Variants in ZC3H12B observed in about 807,000 individuals in gnomAD.
ZC3H12B encodes zinc finger CCCH-type containing 12B.
A neutral mutation model predicts 43.9 loss-of-function variants in ZC3H12B; 7 were observed. The ratio of observed to expected loss-of-function variants is 0.16; its 90% confidence interval spans 0.09 to 0.30. ZC3H12B has a LOEUF of 0.30. ZC3H12B is among the 10% of genes least tolerant of loss of function. The pLI is 1.00. For missense variants in ZC3H12B, 475 were observed against 670.2 expected (o/e 0.71, Z 3.22); for synonymous variants, 222 against 241.7 (o/e 0.92, Z 0.76).
At chrX:65,354,720 G>T in the ZC3H12B span, among the ~76,000 whole-genome samples, 1 of 111,590 alleles carries the variant, frequency 9.0e-6, no homozygotes, top group African/African-American at 3.3e-5. Context: ...CTTGAAAAAA[G>T]GTTAGAGGTA....
At chrX:65,247,131 G>A in the ZC3H12B span, among the ~76,000 whole-genome samples, 1 of 112,170 alleles carries the variant, frequency 8.9e-6, no homozygotes, top group Non-Finnish European at 1.9e-5. Context: ...TCAATCATAT[G>A]AGAAAAAGCT....
At chrX:65,133,373 C>T in the ZC3H12B span, among the ~76,000 whole-genome samples, 12 of 109,566 alleles carry the variant, frequency 1.1e-4, no homozygotes, top group African/African-American at 1.7e-4. Context: ...AAATGCACAC[C>T]GAGAATAAGA....
At chrX:65,123,585 A>C in the ZC3H12B span, among the ~76,000 whole-genome samples, 3 of 110,208 alleles carry the variant, frequency 2.7e-5, no homozygotes, top group South Asian at 3.8e-4. Context: ...GGTCATTTTC[A>C]CAATATTGAT....
intron 3 of ZC3H12B, among the ~76,000 whole-genome samples, chrX:65,477,503 C>G (rs2068009493): frequency 9.0e-6 from 1 of 111,637 alleles, no homozygotes; most frequent in South Asian, 3.7e-4. Flanking sequence ...TCTGCACATT[C>G]AAGAAGATCA....
chrX:65,381,098 C>T (rs77602017), intron 2 of ZC3H12B, among the ~76,000 whole-genome samples: 2 of 111,222 alleles, frequency 1.8e-5, no homozygotes, highest in African/African-American at 6.6e-5. Context: ...CTGCACCAAG[C>T]GGACCTAATA....
chrX:65,230,414 T>A, the ZC3H12B span, among the ~76,000 whole-genome samples: 1 of 109,019 alleles, frequency 9.2e-6, no homozygotes. Flanking sequence ...GGGATAGCAT[T>A]AGGAGATATA....
At chrX:65,331,154 TCATAAAAAAGGGGTCCAAGAGAGCGCAG>T in the ZC3H12B span, 3 of 253,429 alleles carry the variant, frequency 1.2e-5, no homozygotes, top group Non-Finnish European at 2.3e-5. Context: ...ACACTTTTCT[TCATAAAAAAGGGGTCCAAGAGAGCGCAG>T]CACTCACCCA....
chrX:65,151,939 A>G, the ZC3H12B span, among the ~76,000 whole-genome samples: 2 of 112,153 alleles, frequency 1.8e-5, no homozygotes, highest in South Asian at 3.7e-4. Flanking sequence ...ACGCAAATCA[A>G]TAACTGTAAT....
the ZC3H12B span, among the ~76,000 whole-genome samples, chrX:65,120,838 A>T: frequency 9.0e-6 from 1 of 111,593 alleles, no homozygotes; most frequent in African/African-American, 3.3e-5. Context: ...TACCAAATTT[A>T]TCGAGAGTTT....
exon 5 of ZC3H12B, chrX:65,505,615 G>A (rs1387632514): frequency 4.5e-5 from 5 of 112,333 alleles, no homozygotes; most frequent in African/African-American, 9.7e-5. Flanking sequence ...AATCGGACTC[G>A]TGTCTAAATC....
At chrX:65,238,333 T>C in the ZC3H12B span, among the ~76,000 whole-genome samples, 1 of 111,767 alleles carries the variant, frequency 8.9e-6, no homozygotes, top group Non-Finnish European at 1.9e-5. Context: ...GGGAGGTGTA[T>C]GTGTCCAGAA....
the ZC3H12B span, among the ~76,000 whole-genome samples, chrX:65,347,886 C>A: frequency 1.8e-5 from 2 of 112,266 alleles, no homozygotes; most frequent in African/African-American, 6.5e-5. Flanking sequence ...CACATGTACA[C>A]CATGGAATAC....
At chrX:65,413,416 G>A (rs886443506) in intron 3 of ZC3H12B, among the ~76,000 whole-genome samples, 2 of 111,324 alleles carry the variant, frequency 1.8e-5, no homozygotes, top group East Asian at 2.8e-4. Flanking sequence ...AGAGTTTTAT[G>A]GTTTTCACTC....
At chrX:65,123,242 A>T in the ZC3H12B span, among the ~76,000 whole-genome samples, 1 of 111,851 alleles carries the variant, frequency 8.9e-6, no homozygotes, top group South Asian at 3.8e-4. Context: ...TGATTTGCGT[A>T]TGTTGAACCA....
chrX:65,273,297 C>T, the ZC3H12B span, among the ~76,000 whole-genome samples: 1 of 111,085 alleles, frequency 9.0e-6, no homozygotes, highest in Non-Finnish European at 1.9e-5. Context: ...GGAGCTGAAG[C>T]ATACAATAAC....
the ZC3H12B span, among the ~76,000 whole-genome samples, chrX:65,187,935 T>A: frequency 1.6e-4 from 18 of 111,345 alleles, no homozygotes; most frequent in Admixed American, 1.7e-3. Context: ...GCATTAATCA[T>A]CCCTAACCTT....
intron 2 of ZC3H12B, among the ~76,000 whole-genome samples, chrX:65,371,356 G>A (rs769392873): frequency 1.8e-5 from 2 of 111,451 alleles, no homozygotes; most frequent in Admixed American, 1.9e-4. Context: ...CCTCAAGGAT[G>A]TTAAAGGTCT....
chrX:65,329,468 G>A, the ZC3H12B span, among the ~76,000 whole-genome samples: 1 of 95,271 alleles, frequency 1.0e-5, no homozygotes, highest in Admixed American at 9.9e-5. Flanking sequence ...CAGATGAGTA[G>A]GTTGCGAAAA....
the ZC3H12B span, among the ~76,000 whole-genome samples, chrX:65,064,659 C>A: frequency 9.0e-6 from 1 of 111,442 alleles, no homozygotes; most frequent in Non-Finnish European, 1.9e-5. Context: ...CTATTAGGTC[C>A]ACTTGGTCCA....
Sources: allele counts gnomAD v4.1 joint callset (sites outside exome capture counted in the v4.1 genomes callset), GRCh38; gene constraint gnomAD v4.1.1; transcripts MANE v1.5; gene names NCBI Gene and HGNC (gene_info 2026-07-23, HGNC 2026-07-21).